Variants in SEPTIN10 observed in about 807,000 individuals in gnomAD.
SEPTIN10 encodes the protein septin-10.
In SEPTIN10, 66 loss-of-function variants were observed where a neutral mutation model predicts 54.8. The observed-to-expected ratio is 1.21, with a 90% confidence interval of 0.99 to 1.48. The LOEUF (loss-of-function observed/expected upper bound fraction) is 1.48. SEPTIN10 is among the 40% of genes most tolerant of loss of function. The pLI, the probability that SEPTIN10 is intolerant of heterozygous loss-of-function variation, is 0.00. For synonymous variants in SEPTIN10, 161 were observed against 181.0 expected (o/e 0.89, Z 0.89); for missense variants, 620 against 545.6 (o/e 1.14, Z -1.36).
intron 2 of SEPTIN10, among the ~76,000 whole-genome samples, chr2:109,588,223 G>T (rs1026107396): frequency 2.0e-5 from 3 of 152,066 alleles, no homozygotes; most frequent in African/African-American, 7.2e-5. Context: ...CTGCCAGTTG[G>T]CCCACAGTAT....
intron 2 of SEPTIN10, among the ~76,000 whole-genome samples, chr2:109,591,366 C>T (rs1279003663): frequency 6.6e-6 from 1 of 152,034 alleles, no homozygotes; most frequent in Non-Finnish European, 1.5e-5. Context: ...GTGTGGTCCC[C>T]ATGATGTAAC....
chr2:109,578,230 T>C (rs1690184236), intron 4 of SEPTIN10, among the ~76,000 whole-genome samples: 1 of 152,102 alleles, frequency 6.6e-6, no homozygotes, highest in African/African-American at 2.4e-5. Flanking sequence ...CACGATCAAA[T>C]AAAGGGTAAC....
Position 109,565,214 on chromosome 2 carries a change from GA to G in SEPTIN10, c.859+548del, listed in dbSNP as rs1031128126. 4.0e-4 allele frequency among the ~76,000 whole-genome samples: 60 copies of G among 151,542 alleles called. 4 individuals are homozygous for G. The highest frequency in any genetic ancestry group is 7.2e-4 in the Admixed American group (11 of 15,196). On this transcript the variant is annotated intron_variant, in intron 7 of 10. Coordinates refer to ENST00000397712, the MANE Select transcript of SEPTIN10 (RefSeq NM_144710.5). ...ATTCATTACAAAATTTATCAATTAA[GA>G]AAAAAAATCAGCATTTGGAAATCCA... is the stretch of plus-strand genomic sequence containing the variant.
intron 9 of SEPTIN10, among the ~76,000 whole-genome samples, chr2:109,551,755 A>G (rs1331221432): frequency 6.6e-6 from 1 of 152,248 alleles, no homozygotes; most frequent in African/African-American, 2.4e-5. Context: ...CTGTAAGTGT[A>G]TTTGAAATAA....
rs1268661306 is a variant in SEPTIN10, at chr2:109,586,913, GA to G, written c.100-1076del. Among the ~76,000 whole-genome samples the G allele has an allele frequency of 5.3e-5, 8 of 152,240 alleles. No individual in the cohort carries two copies. In the East Asian group the frequency reaches 1.3e-3, roughly 26 times the overall value. ...CAGTCAGCAATTTAATTGCCTGTTA[GA>G]ACAAAGTTCAAGACTCTGCAGAAGA... On this transcript the variant is annotated intron_variant, in intron 2 of 10. Transcript: ENST00000397712.
At position 109,596,601 on chromosome 2, in the gene SEPTIN10, C is replaced by T. The variant is rs905997634; in HGVS notation, c.31-3482G>A. ...CGCTGCACTCCAGCCTGGCAGACAG[C>T]GAGACTCCATCTCAAAAAAAGAAAA... On this transcript the variant is annotated intron_variant, in intron 1 of 10. Transcript: ENST00000397712. Among the ~76,000 whole-genome samples the T allele has an allele frequency of 9.4e-5, 14 of 149,456 alleles. No homozygotes were observed. In the Admixed American group the frequency reaches 9.4e-4, roughly 10 times the overall value.
intron 1 of SEPTIN10, among the ~76,000 whole-genome samples, chr2:109,612,116 T>C (rs1290210191): frequency 6.6e-6 from 1 of 151,808 alleles, no homozygotes; most frequent in Non-Finnish European, 1.5e-5. Flanking sequence ...AATCATACCA[T>C]GGAATACTAC....
At chr2:109,585,923 T>C (rs567426914) in intron 2 of SEPTIN10, 85 bp from the exon 3 acceptor site, 140 of 898,364 alleles carry the variant, frequency 1.6e-4, no homozygotes, top group Admixed American at 1.2e-3. Flanking sequence ...GAAGGACAAA[T>C]ATATCAAATA....
intron 9 of SEPTIN10, among the ~76,000 whole-genome samples, chr2:109,551,388 T>C (rs773626174): frequency 6.6e-5 from 10 of 152,234 alleles, no homozygotes; most frequent in East Asian, 5.8e-4. Flanking sequence ...ATTCATGCTA[T>C]ATGAGAAACT....
At chr2:109,566,576 G>A (rs956163267) in intron 6 of SEPTIN10, among the ~76,000 whole-genome samples, 1 of 152,092 alleles carries the variant, frequency 6.6e-6, no homozygotes, top group Non-Finnish European at 1.5e-5. Flanking sequence ...TACAGTATGT[G>A]GGTGTATAGA....
intron 1 of SEPTIN10, among the ~76,000 whole-genome samples, chr2:109,601,828 T>C (rs550364902): frequency 7.2e-5 from 11 of 152,126 alleles, no homozygotes; most frequent in African/African-American, 2.6e-4. Context: ...TTTCTAATAC[T>C]CTACAAGTTA....
At chr2:109,578,849 C>G (rs1056846028) in intron 4 of SEPTIN10, among the ~76,000 whole-genome samples, 1 of 151,788 alleles carries the variant, frequency 6.6e-6, no homozygotes, top group Admixed American at 6.6e-5. Flanking sequence ...GCCACGCTTA[C>G]AGGGTAGTTT....
At chr2:109,597,627 T>TCA (rs748759751) in intron 1 of SEPTIN10, among the ~76,000 whole-genome samples, 22 of 152,164 alleles carry the variant, frequency 1.4e-4, no homozygotes, top group Non-Finnish European at 2.6e-4. Flanking sequence ...TACATATATA[T>TCA]CACACACACA....
At chr2:109,603,858 A>C (rs1697242904) in intron 1 of SEPTIN10, among the ~76,000 whole-genome samples, 1 of 151,798 alleles carries the variant, frequency 6.6e-6, no homozygotes, top group South Asian at 2.1e-4. Context: ...ATATGGTGAA[A>C]CCGTCTCTAA....
At chr2:109,553,600 C>G (rs1399987498) in intron 8 of SEPTIN10, among the ~76,000 whole-genome samples, 1 of 150,308 alleles carries the variant, frequency 6.7e-6, no homozygotes, top group Non-Finnish European at 1.5e-5. Flanking sequence ...CGCCTGTAAT[C>G]CCAGCACTTT....
At chr2:109,572,459 T>C (rs1688633158) in intron 5 of SEPTIN10, among the ~76,000 whole-genome samples, 1 of 151,276 alleles carries the variant, frequency 6.6e-6, no homozygotes, top group African/African-American at 2.4e-5. Flanking sequence ...ATATGAAAAA[T>C]TGAATCCAAG....
In SEPTIN10 at chr2:109,544,191, C is replaced by T. The variant is rs754360611; in HGVS notation, c.*118G>A. The T allele has an allele frequency of 1.9e-6, 3 of 1,600,530 alleles. No homozygotes were observed. In the African/African-American group the frequency reaches 4.0e-5, roughly 21 times the overall value. Reference sequence around the variant, plus strand: ...TTTCCATAAATATCAGTAACTGTGGCTGTTCACCAAATATAGAAGTGATAA... The same window carrying T: ...TTTCCATAAATATCAGTAACTGTGGTTGTTCACCAAATATAGAAGTGATAA... On this transcript the variant is annotated 3_prime_UTR_variant, in exon 11 of 11. Transcript: ENST00000397712.
At chr2:109,596,156 G>C (rs1257038495) in intron 1 of SEPTIN10, among the ~76,000 whole-genome samples, 1 of 152,030 alleles carries the variant, frequency 6.6e-6, no homozygotes, top group Non-Finnish European at 1.5e-5. Context: ...CTCAGTTTCC[G>C]AAACAGCTGG....
At chr2:109,576,163 A>C (rs764941827) in intron 4 of SEPTIN10, among the ~76,000 whole-genome samples, 1 of 152,226 alleles carries the variant, frequency 6.6e-6, no homozygotes, top group Non-Finnish European at 1.5e-5. Flanking sequence ...TGAGAGGCTA[A>C]GGCAGGCAGA....
Sources: gnomAD v4.1 joint callset for allele counts (sites outside exome capture counted in the v4.1 genomes callset) on GRCh38, gnomAD v4.1.1 for gene constraint, MANE v1.5 for transcripts, NCBI Gene and HGNC (gene_info 2026-07-23, HGNC 2026-07-21) for gene names.